Variants in ZNF729 observed in about 807,000 individuals in gnomAD.
ZNF729 encodes zinc finger protein 729.
Under a neutral mutation model 12.2 loss-of-function variants are expected in ZNF729, and 15 were observed. That is an observed-to-expected ratio of 1.23 (90% CI 0.82 to 1.89). The LOEUF (loss-of-function observed/expected upper bound fraction) is 1.89, where lower values mean the gene tolerates loss of function less well. Among genes scored for constraint, ZNF729 ranks in the 40% most tolerant of loss-of-function variants. The pLI, the probability that ZNF729 is intolerant of heterozygous loss-of-function variation, is 0.00. For missense variants in ZNF729, 1,540 were observed against 1,456.7 expected, an observed-to-expected ratio of 1.06 and a Z score of -0.93; for synonymous variants, 492 against 476.3, an observed-to-expected ratio of 1.03 and a Z score of -0.43.
intron 3 of ZNF729, among the ~76,000 whole-genome samples, chr19:22,307,794 CTCTGTGTTTTTTTTTT>C (rs1357315583): frequency 1.7e-4 from 21 of 121,906 alleles, no homozygotes; most frequent in African/African-American, 3.8e-4. Flanking sequence ...ATTTGGAAAG[CTCTGTGTTTTTTTTTT>C]TTTTTTTTTT....
In ZNF729 at chr19:22,314,615, G is replaced by C; in HGVS notation, c.1198G>C (p.Gly400Arg). 6.2e-7 allele frequency: 1 copy of C among 1,612,106 alleles called. No homozygotes were observed. The highest frequency in any genetic ancestry group is 8.5e-7 in the Non-Finnish European group (1 of 1,179,872). Reference sequence around the variant, plus strand: ...TACTGTACATAAGGTAGTTCATACTGGAGAGAAACCCTACAAATGTGAAGA... The same window carrying C: ...TACTGTACATAAGGTAGTTCATACTCGAGAGAAACCCTACAAATGTGAAGA... ...KLTVHKVVHTGEKPYKCEECG... is the reference protein window; with the variant it reads ...KLTVHKVVHTREKPYKCEECG... The change falls in exon 4 of 4, where the codon GGA becomes CGA. Residue 400 changes from glycine to arginine, a missense_variant. Physicochemically the swap from Gly to Arg is moderately radical, Grantham distance 125. Coordinates refer to ENST00000601693, the MANE Select transcript of ZNF729 (RefSeq NM_001242680.2).
At position 22,317,025 on chromosome 19, in the gene ZNF729, T is replaced by G. The variant is rs767140322; in HGVS notation, c.3608T>G (p.Leu1203Arg). Reference sequence around the variant, plus strand: ...AAAGCTTTTATTCAGTGCTCATACCTTATTAGACATAAAACAATTCATACC... The same window carrying G: ...AAAGCTTTTATTCAGTGCTCATACCGTATTAGACATAAAACAATTCATACC... ...CGKAFIQCSY[L>R]IRHKTIHTRE... Residue 1203 changes from leucine (L) to arginine (R), a missense_variant, in exon 4 of 4, where the codon CTT becomes CGT. Coordinates refer to ENST00000601693, the MANE Select transcript of ZNF729 (RefSeq NM_001242680.2). 15 of 1,610,998 alleles carry G rather than the reference T, an allele frequency of 9.3e-6. No homozygotes were observed. Among genetic ancestry groups the G allele is most frequent in the Admixed American group, 5.0e-5 (3 of 59,838 alleles).
At position 22,314,710 on chromosome 19, in the gene ZNF729, C is replaced by A. The variant is rs1398902795; in HGVS notation, c.1293C>A (p.Pro431=). 6.2e-7 allele frequency: 1 copy of A among 1,612,764 alleles called. No individual in the cohort carries two copies. Among genetic ancestry groups the A allele is most frequent in the Non-Finnish European group, 8.5e-7 (1 of 1,179,756 alleles). ...KHKIIHTGKK[P]YKCEECGKAF... The stretch of plus-strand genomic sequence containing the variant: ...AGATAATTCATACTGGAAAGAAACC[C>A]TACAAATGTGAAGAATGTGGCAAAG... Residue 431 remains proline (P), a synonymous_variant, in exon 4 of 4, where the codon CCC becomes CCA. Transcript: ENST00000601693.
chr19:22,311,112 A>G (rs571280286), intron 3 of ZNF729, among the ~76,000 whole-genome samples: 3 of 151,782 alleles, frequency 2.0e-5, no homozygotes, highest in Admixed American at 6.6e-5. Flanking sequence ...TGGTCTGTCA[A>G]TTGTATTTAT....
At chr19:22,312,215 G>T (rs1306720636) in intron 3 of ZNF729, among the ~76,000 whole-genome samples, 2 of 151,820 alleles carry the variant, frequency 1.3e-5, no homozygotes, top group Non-Finnish European at 2.9e-5. Flanking sequence ...AATCTTCATT[G>T]TTTTATGGTT....
chr19:22,287,264 A>T, intron 1 of ZNF729, among the ~76,000 whole-genome samples: 2 of 146,046 alleles, frequency 1.4e-5, no homozygotes, highest in Middle Eastern at 3.5e-3. Flanking sequence ...CTTGAATTAG[A>T]TTTTTTTTTT....
At chr19:22,288,134 G>A (rs1335327184) in intron 1 of ZNF729, among the ~76,000 whole-genome samples, 4 of 152,020 alleles carry the variant, frequency 2.6e-5, no homozygotes, top group African/African-American at 4.8e-5. Flanking sequence ...GTGAGTCACC[G>A]TGCCCAGCCT....
chr19:22,303,218 A>G (rs115417879), intron 1 of ZNF729, among the ~76,000 whole-genome samples: 3,353 of 152,340 alleles, frequency 0.022, 111 homozygotes, highest in African/African-American at 0.076. Context: ...AAAAACTGGG[A>G]AAAACACAGG....
rs754786441 is a variant in ZNF729 at position 22,315,265 on chromosome 19, T to A, written c.1848T>A (p.Ala616=). ...CTTTTAACAATTCCTCAATCCTTGC[T>A]AAACATAAGATAATTCATACTGGGA... ...GKAFNNSSIL[A]KHKIIHTGKK... Residue 616 remains alanine (A), a synonymous_variant, in exon 4 of 4, where the codon GCT becomes GCA. Transcript: ENST00000601693. 100 of 1,611,708 alleles carry A rather than the reference T, an allele frequency of 6.2e-5. No homozygotes were observed. The highest frequency in any genetic ancestry group is 8.5e-6 in the Non-Finnish European group (10 of 1,179,312).
In ZNF729 at chr19:22,304,760, A is replaced by C; in HGVS notation, c.230A>C (p.His77Pro). 1 of 1,613,394 alleles carries C rather than the reference A, an allele frequency of 6.2e-7. No individual in the cohort carries two copies. The change falls in exon 3 of 4, where the codon CAT (histidine) becomes CCT (proline). Residue 77 changes from histidine to proline, a missense_variant. Transcript: ENST00000601693. ...AAAGAGCCTTGGAATATGAAGAGAC[A>C]TGAGATGGTAACTAAACCCCCAGGT... The part of the protein sequence containing the change: ...QGKEPWNMKR[H>P]EMVTKPPVMR...
intron 3 of ZNF729, among the ~76,000 whole-genome samples, chr19:22,313,366 A>G (rs1392298388): frequency 6.6e-6 from 1 of 152,198 alleles, no homozygotes; most frequent in African/African-American, 2.4e-5. Flanking sequence ...ATTTACTTCT[A>G]AAGAGCCTAT....
chr19:22,287,065 A>AT (rs899074231), intron 1 of ZNF729, among the ~76,000 whole-genome samples: 1 of 152,158 alleles, frequency 6.6e-6, no homozygotes, highest in Non-Finnish European at 1.5e-5. Flanking sequence ...TGACGGAAAG[A>AT]TTTTTTTAAG....
At chr19:22,296,959 T>A (rs912330083) in intron 1 of ZNF729, among the ~76,000 whole-genome samples, 1 of 152,168 alleles carries the variant, frequency 6.6e-6, no homozygotes, top group Admixed American at 6.5e-5. Context: ...TTGGTATGGT[T>A]TGAGGATTTT....
chr19:22,314,219 G>A lies in ZNF729; in HGVS notation c.802G>A (p.Glu268Lys). 1 of 1,604,974 alleles carries A rather than the reference G, an allele frequency of 6.2e-7. No individual in the cohort carries two copies. The highest frequency in any genetic ancestry group is 8.5e-7 in the Non-Finnish European group (1 of 1,176,170). Residue 268 changes from glutamate (E) to lysine (K), a missense_variant, in exon 4 of 4, where the codon GAA (glutamate) becomes AAA (lysine). By Grantham distance (56) the Glu-to-Lys change is moderately conservative. Transcript: ENST00000601693. ...TGGAGAGACACCTTTCAGATGTGAAGAATGTGGCAAAGCTTTTAACCAGTC... is the reference window on the plus strand; with the variant it reads ...TGGAGAGACACCTTTCAGATGTGAAAAATGTGGCAAAGCTTTTAACCAGTC... ...HTGETPFRCE[E>K]CGKAFNQSSN...
rs750411398 is a variant in ZNF729 at position 22,315,548 on chromosome 19, C to T, written c.2131C>T (p.Pro711Ser). The T allele has an allele frequency of 6.8e-6, 11 of 1,610,740 alleles. No individual in the cohort carries two copies. Among genetic ancestry groups the T allele is most frequent in the South Asian group, 6.6e-5 (6 of 91,042 alleles). Reference protein sequence around the residue: ...RHKIIHTGEKPYKCEECGKAF... With the variant: ...RHKIIHTGEKSYKCEECGKAF... ...TAAGATAATTCATACTGGAGAGAAA[C>T]CCTACAAATGTGAAGAATGTGGTAA... Residue 711 changes from proline to serine, a missense_variant, in exon 4 of 4, where the codon CCC (proline) becomes TCC (serine). Transcript: ENST00000601693.
At chr19:22,290,876 C>T (rs754203518) in intron 1 of ZNF729, among the ~76,000 whole-genome samples, 4 of 152,014 alleles carry the variant, frequency 2.6e-5, no homozygotes, top group African/African-American at 4.8e-5. Flanking sequence ...TGGATTGTAT[C>T]TTTTCTAATA....
At chr19:22,300,550 C>T (rs1197684278) in intron 1 of ZNF729, among the ~76,000 whole-genome samples, 1 of 152,184 alleles carries the variant, frequency 6.6e-6, no homozygotes, top group African/African-American at 2.4e-5. Flanking sequence ...TCAGTCAATT[C>T]ACAATTGTGC....
intron 1 of ZNF729, 48 bp from the exon 2 acceptor site, chr19:22,303,710 C>A: frequency 1.3e-6 from 2 of 1,481,768 alleles, no homozygotes; most frequent in Admixed American, 2.1e-5. Context: ...AAATTTCTGC[C>A]CATGGCCACT....
chr19:22,295,038 T>TTGTGTGTGTGTG lies in ZNF729; in HGVS notation c.30+8507_30+8518dup, dbSNP rs71180536. 4.3e-3 allele frequency among the ~76,000 whole-genome samples: 621 copies of TTGTGTGTGTGTG among 144,094 alleles called. 7 individuals carry two copies. Among genetic ancestry groups the TTGTGTGTGTGTG allele is most frequent in the African/African-American group, 0.015 (592 of 38,906 alleles). 94.5% of individuals were successfully genotyped at this position (144,094 alleles called of 152,430 possible). On this transcript the variant is annotated intron_variant, in intron 1 of 3. Transcript: ENST00000601693. ...TCTGGTTAGGTGTACTCCTAGATAT[T>TTGTGTGTGTGTG]TGTGTGTGTGTGTGTGTGTGTGTGT...
Sources: allele counts gnomAD v4.1 joint callset (sites outside exome capture counted in the v4.1 genomes callset), GRCh38; gene constraint gnomAD v4.1.1; transcripts MANE v1.5; gene names NCBI Gene and HGNC (gene_info 2026-07-23, HGNC 2026-07-21).